Variants in CNOT2 observed in about 807,000 individuals in gnomAD.
CNOT2 encodes CCR4-NOT transcription complex subunit 2, also known as CC chemokine receptor 4-negative regulator of transcription 2.
Under a neutral mutation model 72.1 loss-of-function variants are expected in CNOT2, and 7 were observed. The observed-to-expected ratio is 0.10, with a 90% confidence interval of 0.06 to 0.18. CNOT2 has a LOEUF of 0.18. Ranked by LOEUF, CNOT2 falls within the 10% of genes least tolerant of loss-of-function variation. CNOT2 has a pLI of 1.00. For missense variants in CNOT2, 345 were observed against 660.3 expected (o/e 0.52, Z 5.23); for synonymous variants, 196 against 225.6 (o/e 0.87, Z 1.17).
At chr12:70,262,791 A>C (rs1593060485) in intron 1 of CNOT2, among the ~76,000 whole-genome samples, 1 of 152,152 alleles carries the variant, frequency 6.6e-6, no homozygotes, top group Admixed American at 6.5e-5. Flanking sequence ...CCCCTGCCTC[A>C]GCCTCCAGAG....
Position 70,354,045 on chromosome 12 carries a change from T to C in CNOT2, c.*130T>C, listed in dbSNP as rs564432540. On this transcript the variant is annotated 3_prime_UTR_variant, in exon 16 of 16. Coordinates refer to ENST00000229195, the MANE Select transcript of CNOT2 (RefSeq NM_014515.7). ...TTTTAATTCCTTGAGGATCTGGCAA[T>C]TGGCTTACGCAAAAGGTCACCATTT... 4.9e-6 allele frequency: 7 copies of C among 1,416,760 alleles called. No individual in the cohort carries two copies. In the East Asian group the frequency reaches 1.5e-4, roughly 31 times the overall value. The allele number at this position is 1,416,760 out of a possible 1,614,324, so 87.8% of individuals were successfully genotyped here.
chr12:70,271,530 C>T (rs765200479), intron 1 of CNOT2, among the ~76,000 whole-genome samples: 3 of 152,052 alleles, frequency 2.0e-5, no homozygotes, highest in South Asian at 2.1e-4. Flanking sequence ...CCCACCATCA[C>T]GCCTGGCTAA....
intron 1 of CNOT2, among the ~76,000 whole-genome samples, chr12:70,255,906 C>T (rs1480499902): frequency 6.6e-6 from 1 of 152,050 alleles, no homozygotes; most frequent in Non-Finnish European, 1.5e-5. Context: ...AGATTCTGGT[C>T]AAGATATGCC....
rs527963399 is a variant in CNOT2, at chr12:70,305,567, G to T, written c.49-5328G>T. ...ATCAGCTTGAATTTTAATTGTTGAA[G>T]ATCACAAAGGTTACAGACAGCATTT... On this transcript the variant is annotated intron_variant, in intron 2 of 15. Transcript: ENST00000229195. 2.0e-5 allele frequency among the ~76,000 whole-genome samples: 3 copies of T among 152,314 alleles called. No homozygotes were observed. In the East Asian group the frequency reaches 5.8e-4, roughly 29 times the overall value.
At chr12:70,346,037 TATA>T in intron 14 of CNOT2, 140 bp from the exon 15 acceptor site, 4 of 574,004 alleles carry the variant, frequency 7.0e-6, no homozygotes, top group Non-Finnish European at 1.2e-5. Flanking sequence ...TTTAATAACT[TATA>T]ATAAATGAGT....
intron 2 of CNOT2, chr12:70,301,834 T>G (rs1874050410): frequency 6.6e-6 from 1 of 152,270 alleles, no homozygotes; most frequent in Non-Finnish European, 1.5e-5. Flanking sequence ...AATTCGGCTG[T>G]GAATCCATCT....
chr12:70,289,819 T>C (rs1257946716), intron 2 of CNOT2, among the ~76,000 whole-genome samples: 1 of 152,192 alleles, frequency 6.6e-6, no homozygotes, highest in African/African-American at 2.4e-5. Flanking sequence ...TCTGTTTCTA[T>C]TGAGTGTTGG....
intron 1 of CNOT2, among the ~76,000 whole-genome samples, chr12:70,276,696 A>G (rs1253898196): frequency 6.6e-6 from 1 of 152,058 alleles, no homozygotes; most frequent in African/African-American, 2.4e-5. Context: ...AATAGTAAAT[A>G]TGCTTTAAAA....
chr12:70,328,084 A>G (rs1206145242), intron 4 of CNOT2, among the ~76,000 whole-genome samples: 1 of 151,912 alleles, frequency 6.6e-6, no homozygotes, highest in African/African-American at 2.4e-5. Flanking sequence ...ATCTTACAGA[A>G]AGGCAGGACC....
intron 13 of CNOT2, 175 bp from the exon 14 acceptor site, chr12:70,343,953 G>A (rs1273070045): frequency 2.2e-6 from 1 of 444,760 alleles, no homozygotes; most frequent in African/African-American, 2.0e-5. Flanking sequence ...TTTAAATGAG[G>A]AAATTCCCTT....
At position 70,265,189 on chromosome 12, in the gene CNOT2, A is replaced by G. The variant is rs111417489; in HGVS notation, c.-95-12943A>G. 4.7e-3 allele frequency among the ~76,000 whole-genome samples: 721 copies of G among 152,052 alleles called. 6 individuals carry two copies. The highest frequency in any genetic ancestry group is 0.016 in the African/African-American group (648 of 41,498). On this transcript the variant is annotated intron_variant, in intron 1 of 15. Coordinates refer to ENST00000229195, the MANE Select transcript of CNOT2 (RefSeq NM_014515.7). ...TGTTTTGTGTCCCATTTTCTGGAAA[A>G]CATGTCAAGTTGGTATTACTTCTTC...
chr12:70,276,418 A>G (rs1425344203), intron 1 of CNOT2, among the ~76,000 whole-genome samples: 1 of 152,026 alleles, frequency 6.6e-6, no homozygotes, highest in Non-Finnish European at 1.5e-5. Flanking sequence ...TTTTGCATTT[A>G]TTATCCACTG....
chr12:70,308,387 A>C (rs1014462971), intron 2 of CNOT2, among the ~76,000 whole-genome samples: 1 of 151,914 alleles, frequency 6.6e-6, no homozygotes, highest in Non-Finnish European at 1.5e-5. Context: ...GGGGAGAGTA[A>C]AACACCCTTA....
intron 1 of CNOT2, among the ~76,000 whole-genome samples, chr12:70,248,651 A>G (rs1344490024): frequency 6.6e-6 from 1 of 152,122 alleles, no homozygotes; most frequent in African/African-American, 2.4e-5. Flanking sequence ...AGATGTAGAA[A>G]TCAAAACAGG....
In CNOT2 at chr12:70,300,501, G is replaced by C. The variant is rs143323775; in HGVS notation, c.49-10394G>C. Reference sequence around the variant, plus strand: ...AATCCTTTCCCCATTGCTTGTTTTTGTCAGGTTTGTCAAAGATCAGATGGT... The same window carrying C: ...AATCCTTTCCCCATTGCTTGTTTTTCTCAGGTTTGTCAAAGATCAGATGGT... On this transcript the variant is annotated intron_variant, in intron 2 of 15. Coordinates refer to ENST00000229195, the MANE Select transcript of CNOT2 (RefSeq NM_014515.7). Among the ~76,000 whole-genome samples, 26 of 152,214 alleles carry C rather than the reference G, an allele frequency of 1.7e-4. No individual in the cohort carries two copies. In the East Asian group the frequency reaches 3.7e-3, roughly 21 times the overall value.
At chr12:70,245,829 C>T (rs1044877840) in intron 1 of CNOT2, among the ~76,000 whole-genome samples, 11 of 152,112 alleles carry the variant, frequency 7.2e-5, no homozygotes, top group African/African-American at 2.7e-4. Context: ...TTGGATGTTG[C>T]ACTTTTTGAT....
chr12:70,339,365 G>A (rs963821898), intron 11 of CNOT2, among the ~76,000 whole-genome samples: 2 of 151,688 alleles, frequency 1.3e-5, no homozygotes, highest in Non-Finnish European at 1.5e-5. Context: ...TTGATTCTTC[G>A]GTATTTTAAC....
intron 2 of CNOT2, among the ~76,000 whole-genome samples, chr12:70,302,103 T>C (rs1874123347): frequency 6.6e-6 from 1 of 152,142 alleles, no homozygotes; most frequent in Middle Eastern, 3.4e-3. Flanking sequence ...ATTTGATTCT[T>C]CTCTCTTCTT....
intron 3 of CNOT2, among the ~76,000 whole-genome samples, chr12:70,311,621 A>G (rs1876475477): frequency 6.6e-6 from 1 of 152,028 alleles, no homozygotes; most frequent in South Asian, 2.1e-4. Context: ...TTAGAATGCA[A>G]CCAAGTCATA....
Sources: gnomAD v4.1 joint callset for allele counts (sites outside exome capture counted in the v4.1 genomes callset) on GRCh38, gnomAD v4.1.1 for gene constraint, MANE v1.5 for transcripts, NCBI Gene and HGNC (gene_info 2026-07-23, HGNC 2026-07-21) for gene names.